GLCCI1: variants seen among roughly 807,000 people sequenced by gnomAD.
GLCCI1 encodes glucocorticoid-induced transcript 1 protein.
A neutral mutation model predicts 52.2 loss-of-function variants in GLCCI1; 24 were observed. The observed-to-expected ratio is 0.46, with a 90% CI of 0.33 to 0.65. GLCCI1 has a LOEUF of 0.65. Among genes scored for constraint, GLCCI1 ranks in the 30% least tolerant of loss-of-function variants. GLCCI1 has a pLI of 0.02. For synonymous variants in GLCCI1, 310 were observed against 276.5 expected (o/e 1.12, Z -1.20); for missense variants, 704 against 701.5 (o/e 1.00, Z -0.04).
At chr7:8,041,899 A>G (rs1782008491) in intron 3 of GLCCI1, among the ~76,000 whole-genome samples, 1 of 152,104 alleles carries the variant, frequency 6.6e-6, no homozygotes, top group South Asian at 2.1e-4. Flanking sequence ...GCTGCAGCTG[A>G]TGATTTAAGC....
At chr7:8,072,384 C>T (rs2191318) in intron 6 of GLCCI1, among the ~76,000 whole-genome samples, 94,101 of 151,826 alleles carry the variant, frequency 0.62, 29,363 homozygotes, top group East Asian at 0.71. Context: ...TCTTTCATTA[C>T]TGAAGGCCTT....
chr7:8,012,468 G>C (rs1232329969), intron 2 of GLCCI1, among the ~76,000 whole-genome samples: 1 of 70,730 alleles, frequency 1.4e-5, no homozygotes, highest in African/African-American at 5.1e-5. Context: ...TTTTTGAGAT[G>C]GAGTCTTGCT....
At chr7:7,983,907 G>A (rs533238878) in intron 1 of GLCCI1, among the ~76,000 whole-genome samples, 1 of 152,302 alleles carries the variant, frequency 6.6e-6, no homozygotes, top group South Asian at 2.1e-4. Context: ...TGCTCTTGCT[G>A]GTAGAGATAG....
chr7:8,016,534 G>C (rs189977131), intron 2 of GLCCI1, among the ~76,000 whole-genome samples: 2 of 152,010 alleles, frequency 1.3e-5, no homozygotes, highest in African/African-American at 2.4e-5. Flanking sequence ...CATAGTTTAC[G>C]GTATGGTATG....
In GLCCI1 at chr7:8,022,429, A is replaced by G. The variant is rs902845846; in HGVS notation, c.610-54A>G. The G allele has an allele frequency of 3.0e-6, 3 of 1,001,810 alleles. No individual in the cohort carries two copies. In the African/African-American group the frequency reaches 5.2e-5, roughly 17 times the overall value. The allele number at this position is 1,001,810 out of a possible 1,614,324, so 62.1% of individuals were successfully genotyped here. A position where few individuals can be genotyped will look rare whatever the true frequency, so the allele number is the denominator to read the frequency against. On this transcript the variant is annotated intron_variant, in intron 2 of 7. Coordinates refer to ENST00000223145, the MANE Select transcript of GLCCI1 (RefSeq NM_138426.4). ...TTTAAATATGTTTCAGTTGCTTGAG[A>G]TTAGGAAGTAGAGATAAAATTTCTT... is the stretch of plus-strand genomic sequence containing the variant.
At chr7:8,018,195 A>G (rs1036544405) in intron 2 of GLCCI1, among the ~76,000 whole-genome samples, 1 of 152,208 alleles carries the variant, frequency 6.6e-6, no homozygotes, top group African/African-American at 2.4e-5. Flanking sequence ...ATAAACTACA[A>G]TAAATTTTAA....
rs911441459 is a variant in GLCCI1 at position 7,970,383 on chromosome 7, C to A, written c.457+576C>A. 2.1e-5 allele frequency: 3 copies of A among 145,556 alleles called. No homozygotes were observed. In the Admixed American group the frequency reaches 2.1e-4, roughly 10 times the overall value. 9.0% of individuals were successfully genotyped at this position (145,556 alleles called of 1,614,324 possible). A position where few individuals can be genotyped will look rare whatever the true frequency, so the allele number is the denominator to read the frequency against. On this transcript the variant is annotated intron_variant, in intron 1 of 7. Transcript: ENST00000223145. ...CCCTCAGTCCTCCCTCTCTCCCTCT[C>A]CCCCAGCCCCCCGCCACCCCGCCTC...
chr7:8,060,268 T>G lies in GLCCI1; in HGVS notation c.966+20T>G, dbSNP rs369164952. The G allele has an allele frequency of 9.1e-5, 144 of 1,588,590 alleles. No individual in the cohort carries two copies. Among genetic ancestry groups the G allele is most frequent in the Non-Finnish European group, 1.2e-4 (142 of 1,162,444 alleles). On this transcript the variant is annotated intron_variant, in intron 5 of 7. Coordinates refer to ENST00000223145, the MANE Select transcript of GLCCI1 (RefSeq NM_138426.4). ...TCCAAGGTAAGGTTACATGGGATATTTGAATCCTTTTTTTCTCTGATATAA... is the reference window on the plus strand; with the variant it reads ...TCCAAGGTAAGGTTACATGGGATATGTGAATCCTTTTTTTCTCTGATATAA...
chr7:8,061,193 G>C (rs962269542), intron 5 of GLCCI1, among the ~76,000 whole-genome samples: 2 of 150,678 alleles, frequency 1.3e-5, no homozygotes, highest in South Asian at 2.1e-4. Flanking sequence ...TCTGCCTCCT[G>C]GGTTCACGCC....
chr7:8,016,367 G>A (rs1372610520), intron 2 of GLCCI1, among the ~76,000 whole-genome samples: 2 of 152,114 alleles, frequency 1.3e-5, no homozygotes, highest in Admixed American at 1.3e-4. Flanking sequence ...TACTCGGGAG[G>A]CTGAGGCAGG....
intron 5 of GLCCI1, among the ~76,000 whole-genome samples, chr7:8,060,449 C>G (rs1447499564): frequency 1.3e-5 from 2 of 152,080 alleles, no homozygotes; most frequent in Non-Finnish European, 2.9e-5. Context: ...TTTTCATCAC[C>G]CCAAAAAGAA....
At chr7:8,077,477 C>A (rs1319853971) in intron 6 of GLCCI1, among the ~76,000 whole-genome samples, 1 of 152,160 alleles carries the variant, frequency 6.6e-6, no homozygotes, top group Admixed American at 6.5e-5. Flanking sequence ...GATAGCATAA[C>A]AATAATCAAC....
At chr7:8,077,304 T>G (rs1782895301) in intron 6 of GLCCI1, among the ~76,000 whole-genome samples, 1 of 152,218 alleles carries the variant, frequency 6.6e-6, no homozygotes, top group African/African-American at 2.4e-5. Flanking sequence ...CACTATCTCC[T>G]TGTGACACTG....
intron 2 of GLCCI1, among the ~76,000 whole-genome samples, chr7:8,004,626 A>G (rs985857635): frequency 2.0e-5 from 3 of 152,188 alleles, no homozygotes; most frequent in African/African-American, 7.2e-5. Context: ...TGAGTTCTTG[A>G]CCATATCTTC....
chr7:7,975,854 A>G (rs1346460982), intron 1 of GLCCI1, among the ~76,000 whole-genome samples: 1 of 152,210 alleles, frequency 6.6e-6, no homozygotes, highest in African/African-American at 2.4e-5. Flanking sequence ...ACATGATTGT[A>G]TCTGGGCTTT....
Position 8,087,539 on chromosome 7 carries a change from A to T in GLCCI1, c.*1001A>T, listed in dbSNP as rs138213171. 1 of 152,562 alleles carries T rather than the reference A, an allele frequency of 6.6e-6. No homozygotes were observed. The highest frequency in any genetic ancestry group is 1.5e-5 in the Non-Finnish European group (1 of 68,022). The allele number at this position is 152,562 out of a possible 1,614,324, so 9.5% of individuals were successfully genotyped here. On this transcript the variant is annotated 3_prime_UTR_variant, in exon 8 of 8. Transcript: ENST00000223145. ...CGGAATGGTTGAGATTTTTTTGTTT[A>T]TGTTAGCCATCAGGGTCATAACTGT...
chr7:8,005,956 G>A (rs907274412), intron 2 of GLCCI1, among the ~76,000 whole-genome samples: 3 of 151,984 alleles, frequency 2.0e-5, no homozygotes, highest in Admixed American at 6.6e-5. Context: ...CTGCCACCAT[G>A]CCCAGCCAAG....
chr7:8,042,124 G>A (rs1263372239), intron 3 of GLCCI1, among the ~76,000 whole-genome samples: 1 of 152,140 alleles, frequency 6.6e-6, no homozygotes, highest in Non-Finnish European at 1.5e-5. Flanking sequence ...TTGACAATTT[G>A]CCTGGTCACC....
intron 1 of GLCCI1, chr7:7,981,080 A>G (rs574728379): frequency 2.1e-6 from 1 of 472,274 alleles, no homozygotes; most frequent in East Asian, 5.8e-5. Flanking sequence ...ATGGTGGGAG[A>G]CCTACCTGAT....
Sources: gnomAD v4.1 joint callset for allele counts (sites outside exome capture counted in the v4.1 genomes callset) on GRCh38, gnomAD v4.1.1 for gene constraint, MANE v1.5 for transcripts, NCBI Gene and HGNC (gene_info 2026-07-23, HGNC 2026-07-21) for gene names.